The following PRKAG2 variants were observed in gnomAD, a reference collection of about 807,000 sequenced individuals.
PRKAG2 encodes the protein 5'-AMP-activated protein kinase subunit gamma-2.
PRKAG2 carries 26 observed loss-of-function variants against 69.6 expected under a neutral mutation model. The ratio of observed to expected loss-of-function variants is 0.37; its 90% CI spans 0.27 to 0.52. The LOEUF is 0.52. Among genes scored for constraint, PRKAG2 ranks in the 20% least tolerant of loss-of-function variants. PRKAG2 has a pLI of 0.90. For synonymous variants in PRKAG2, 293 were observed against 285.0 expected, an observed-to-expected ratio of 1.03 and a Z score of -0.28; for missense variants, 557 against 740.0, an observed-to-expected ratio of 0.75 and a Z score of 2.87.
chr7:151,787,252 G>A (rs1344954017), intron 1 of PRKAG2, among the ~76,000 whole-genome samples: 1 of 152,168 alleles, frequency 6.6e-6, no homozygotes, highest in Non-Finnish European at 1.5e-5. Flanking sequence ...ACCATTTTAA[G>A]TGTGCGGTTT....
At chr7:151,597,249 T>A (rs1416680161) in intron 5 of PRKAG2, among the ~76,000 whole-genome samples, 4 of 152,210 alleles carry the variant, frequency 2.6e-5, no homozygotes, top group Admixed American at 1.3e-4. Context: ...TGGACTCCTA[T>A]CTCTCATCAG....
chr7:151,696,299 C>T (rs903828236), intron 3 of PRKAG2, among the ~76,000 whole-genome samples: 8 of 152,246 alleles, frequency 5.3e-5, no homozygotes, highest in Admixed American at 2.0e-4. Context: ...ATCGTGCAGC[C>T]GCCTGGGCAG....
chr7:151,764,412 G>A (rs2075614993), intron 3 of PRKAG2, among the ~76,000 whole-genome samples: 1 of 152,170 alleles, frequency 6.6e-6, no homozygotes, highest in Non-Finnish European at 1.5e-5. Context: ...TTTGCTATTT[G>A]TCCTTTAAGC....
At chr7:151,637,844 C>T (rs1263880609) in intron 4 of PRKAG2, among the ~76,000 whole-genome samples, 1 of 151,852 alleles carries the variant, frequency 6.6e-6, no homozygotes. Flanking sequence ...AGCTGGTGGT[C>T]GTCGTTGCCC....
rs56098823 is a variant in PRKAG2 at position 151,853,759 on chromosome 7, CAAAA to C, written c.114+22744_114+22747del. On this transcript the variant is annotated intron_variant, in intron 1 of 15. Coordinates refer to ENST00000287878, the MANE Select transcript of PRKAG2 (RefSeq NM_016203.4). ...TGGGCAACACAGTGAGACTCCGTCT[CAAAA>C]AAAAAAAAAAAAAAAGTCAAATATT... 2.3e-3 allele frequency among the ~76,000 whole-genome samples: 248 copies of C among 109,960 alleles called. 1 individual carries two copies. Among genetic ancestry groups the C allele is most frequent in the African/African-American group, 7.8e-3 (223 of 28,590 alleles). 72.1% of individuals were successfully genotyped at this position (109,960 alleles called of 152,430 possible). A position where few individuals can be genotyped will look rare whatever the true frequency, so the allele number is the denominator to read the frequency against.
chr7:151,596,888 C>G (rs1814674716), intron 5 of PRKAG2, among the ~76,000 whole-genome samples: 2 of 151,980 alleles, frequency 1.3e-5, no homozygotes, highest in Admixed American at 1.3e-4. Flanking sequence ...AATGCAATGC[C>G]TATCAAAATA....
intron 1 of PRKAG2, among the ~76,000 whole-genome samples, chr7:151,869,185 G>C (rs2080154145): frequency 6.6e-6 from 1 of 152,156 alleles, no homozygotes; most frequent in Non-Finnish European, 1.5e-5. Context: ...AATATCGATT[G>C]AACCCACCAA....
At chr7:151,858,223 C>A (rs538115147) in intron 1 of PRKAG2, among the ~76,000 whole-genome samples, 2 of 152,164 alleles carry the variant, frequency 1.3e-5, no homozygotes, top group Non-Finnish European at 2.9e-5. Flanking sequence ...TCTCCTGCAC[C>A]GTGCCTACCC....
At chr7:151,725,124 A>G (rs1028822460) in intron 3 of PRKAG2, among the ~76,000 whole-genome samples, 7 of 152,246 alleles carry the variant, frequency 4.6e-5, no homozygotes, top group Admixed American at 3.9e-4. Context: ...TACAAAGAGC[A>G]GGCGAGAAGC....
intron 3 of PRKAG2, among the ~76,000 whole-genome samples, chr7:151,728,506 A>T (rs896167301): frequency 6.6e-6 from 1 of 152,176 alleles, no homozygotes. Flanking sequence ...CCCCAACCCC[A>T]GGTCACCAAG....
chr7:151,738,431 C>T (rs996219569), intron 3 of PRKAG2, among the ~76,000 whole-genome samples: 12 of 152,254 alleles, frequency 7.9e-5, no homozygotes, highest in Admixed American at 5.9e-4. Flanking sequence ...ATAAACTGGC[C>T]CCAAAACTGG....
intron 3 of PRKAG2, among the ~76,000 whole-genome samples, chr7:151,685,314 A>G (rs951655410): frequency 1.3e-5 from 2 of 151,814 alleles, no homozygotes; most frequent in Non-Finnish European, 2.9e-5. Flanking sequence ...CCCCACCAAC[A>G]CCCCTATCCC....
chr7:151,793,535 A>G (rs374775778), intron 1 of PRKAG2, among the ~76,000 whole-genome samples: 106 of 152,350 alleles, frequency 7.0e-4, no homozygotes, highest in African/African-American at 2.5e-3. Flanking sequence ...CTCCAGCTAC[A>G]GGCCCGAGGC....
At chr7:151,587,627 A>C (rs1167973076) in intron 6 of PRKAG2, among the ~76,000 whole-genome samples, 1 of 152,186 alleles carries the variant, frequency 6.6e-6, no homozygotes, top group East Asian at 1.9e-4. Context: ...CCACATGCCC[A>C]GTCTAATCAT....
chr7:151,844,802 A>G (rs1046129990), intron 1 of PRKAG2, among the ~76,000 whole-genome samples: 1 of 152,202 alleles, frequency 6.6e-6, no homozygotes, highest in Non-Finnish European at 1.5e-5. Flanking sequence ...CCCGGCACAA[A>G]GTAAAGGCTC....
intron 3 of PRKAG2, among the ~76,000 whole-genome samples, chr7:151,750,157 T>C (rs1487358685): frequency 1.3e-5 from 2 of 150,646 alleles, no homozygotes. Context: ...AACTGGAACC[T>C]TCATACATTG....
At chr7:151,833,820 T>A (rs1489955908) in intron 1 of PRKAG2, among the ~76,000 whole-genome samples, 1 of 152,230 alleles carries the variant, frequency 6.6e-6, no homozygotes, top group Non-Finnish European at 1.5e-5. Flanking sequence ...GCCTCCCCGC[T>A]GTGCCTCCCC....
intron 6 of PRKAG2, among the ~76,000 whole-genome samples, chr7:151,592,790 G>A (rs1813545179): frequency 2.6e-5 from 4 of 152,124 alleles, no homozygotes; most frequent in Admixed American, 2.6e-4. Flanking sequence ...GGTTGTTTTG[G>A]GTACGCGGCT....
chr7:151,564,375 C>G (rs150135781), intron 13 of PRKAG2, 151 bp from the exon 14 acceptor site: 6 of 746,134 alleles, frequency 8.0e-6, no homozygotes, highest in Non-Finnish European at 1.4e-5. Context: ...TTCTGGCTTA[C>G]GACATGCCAT....
Sources: allele counts gnomAD v4.1 joint callset (sites outside exome capture counted in the v4.1 genomes callset), GRCh38; gene constraint gnomAD v4.1.1; transcripts MANE v1.5; gene names NCBI Gene and HGNC (gene_info 2026-07-23, HGNC 2026-07-21).